PLEKHG7: variants seen among roughly 807,000 people sequenced by gnomAD.
The protein encoded by PLEKHG7 is pleckstrin homology and RhoGEF domain containing G7.
Under a neutral mutation model 85.2 loss-of-function variants are expected in PLEKHG7, and 77 were observed. The observed-to-expected ratio is 0.90, with a 90% confidence interval of 0.75 to 1.09. PLEKHG7 has a LOEUF of 1.09. PLEKHG7 is among the 50% of genes least tolerant of loss of function. PLEKHG7 has a pLI of 0.00. For synonymous variants in PLEKHG7, 301 were observed against 302.4 expected, an observed-to-expected ratio of 1.00 and a Z score of 0.05; for missense variants, 777 against 804.3, an observed-to-expected ratio of 0.97 and a Z score of 0.41.
At chr12:92,710,059 C>T (rs1475351753) in intron 3 of PLEKHG7, among the ~76,000 whole-genome samples, 1 of 152,124 alleles carries the variant, frequency 6.6e-6, no homozygotes, top group Non-Finnish European at 1.5e-5. Flanking sequence ...GGAACTAAGA[C>T]CTCTAGGCCA....
At chr12:92,756,714 T>A (rs2136624146) in intron 13 of PLEKHG7, among the ~76,000 whole-genome samples, 1 of 152,338 alleles carries the variant, frequency 6.6e-6, no homozygotes, top group East Asian at 1.9e-4. Flanking sequence ...ATCATCATAA[T>A]CGTTGTACTC....
At chr12:92,710,255 T>C (rs1236197700) in intron 3 of PLEKHG7, among the ~76,000 whole-genome samples, 1 of 152,194 alleles carries the variant, frequency 6.6e-6, no homozygotes, top group East Asian at 1.9e-4. Context: ...CAGAAAACTT[T>C]GTCCCAGCCC....
At chr12:92,761,627 A>AAAGAAAGAAAGG (rs1555196579) in intron 13 of PLEKHG7, 125 bp from the exon 14 acceptor site, 33 of 79,356 alleles carry the variant, frequency 4.2e-4, no homozygotes, top group African/African-American at 1.9e-3. Flanking sequence ...AAGAAAGAAG[A>AAAGAAAGAAAGG]AAGAAAGAAA....
intron 16 of PLEKHG7, 55 bp from the exon 17 acceptor site, chr12:92,770,033 T>C: frequency 8.5e-7 from 1 of 1,178,994 alleles, no homozygotes; most frequent in Non-Finnish European, 1.2e-6. Context: ...ATGTGAGAAA[T>C]TGTCAGCTTA....
At chr12:92,766,351 T>TA (rs1271592357) in intron 15 of PLEKHG7, among the ~76,000 whole-genome samples, 2 of 152,144 alleles carry the variant, frequency 1.3e-5, no homozygotes, top group African/African-American at 2.4e-5. Context: ...GCCTGACACA[T>TA]AGACTTGAGT....
At position 92,764,048 on chromosome 12, in the gene PLEKHG7, G is replaced by T; in HGVS notation, c.1724G>T (p.Gly575Val). 6.3e-7 allele frequency: 1 copy of T among 1,588,458 alleles called. No individual in the cohort carries two copies. Among genetic ancestry groups the T allele is most frequent in the South Asian group, 1.2e-5 (1 of 85,804 alleles). ...TTTTCTTGTTAATTTCAGAAACTTG[G>T]AGGCTCAGACCCTGGTTTAATGTGT... ...TKTKCNKKKLGGSDPGLMCPS... is the reference protein window; with the variant it reads ...TKTKCNKKKLVGSDPGLMCPS... The change falls in exon 15 of 17, where the codon GGA (glycine) becomes GTA (valine). Residue 575 changes from glycine to valine, a missense_variant. Physicochemically the swap from Gly to Val is moderately radical, Grantham distance 109. Around this residue, in one of 3 missense-constraint regions of PLEKHG7, gnomAD observed 520 missense variants for 544.0 expected, o/e 0.96. Coordinates refer to ENST00000344636, the MANE Select transcript of PLEKHG7 (RefSeq NM_001377329.1).
intron 3 of PLEKHG7, among the ~76,000 whole-genome samples, chr12:92,717,925 A>C (rs1000600801): frequency 6.6e-6 from 1 of 152,210 alleles, no homozygotes; most frequent in African/African-American, 2.4e-5. Context: ...AATAGTAGCT[A>C]TGGTTATTCT....
rs553676122 is a variant in PLEKHG7 at position 92,729,009 on chromosome 12, C to A, written c.547C>A (p.Arg183=). 8.9e-6 allele frequency: 11 copies of A among 1,231,632 alleles called. No homozygotes were observed. Among genetic ancestry groups the A allele is most frequent in the Non-Finnish European group, 1.1e-5 (11 of 987,746 alleles). 76.3% of individuals were successfully genotyped at this position (1,231,632 alleles called of 1,614,324 possible). ...TGAGCACAGGTTCTACGAGCACAGG[C>A]GGAGTTCTGTGGTGCTGAACTTACC... ...LHPSRFYEHR[R]SSVVLNLPGL... Residue 183 remains arginine, a synonymous_variant, in exon 4 of 17, where the codon CGG becomes AGG. Transcript: ENST00000344636.
At chr12:92,741,264 AT>A (rs1321525872) in intron 8 of PLEKHG7, among the ~76,000 whole-genome samples, 2 of 152,176 alleles carry the variant, frequency 1.3e-5, no homozygotes, top group Non-Finnish European at 2.9e-5. Context: ...AATAAATAAT[AT>A]TTTTCCTCTT....
chr12:92,749,263 G>C (rs1486035649), intron 10 of PLEKHG7, among the ~76,000 whole-genome samples: 1 of 152,018 alleles, frequency 6.6e-6, no homozygotes, highest in Non-Finnish European at 1.5e-5. Flanking sequence ...TCTTCCTACT[G>C]TTTGTTTTTT....
chr12:92,760,165 G>C (rs1252567025), intron 13 of PLEKHG7, among the ~76,000 whole-genome samples: 4 of 152,092 alleles, frequency 2.6e-5, no homozygotes, highest in Non-Finnish European at 5.9e-5. Context: ...TTAGCTCCTT[G>C]GTCATATTCA....
At chr12:92,758,899 G>T (rs1019166225) in intron 13 of PLEKHG7, among the ~76,000 whole-genome samples, 1 of 152,220 alleles carries the variant, frequency 6.6e-6, no homozygotes, top group Non-Finnish European at 1.5e-5. Context: ...CTAAGATCAA[G>T]TGAGGAAACA....
intron 3 of PLEKHG7, among the ~76,000 whole-genome samples, chr12:92,712,819 C>A (rs897337522): frequency 6.6e-6 from 1 of 152,098 alleles, no homozygotes; most frequent in Non-Finnish European, 1.5e-5. Context: ...CAAGATGAGT[C>A]TGGGGACCCA....
At chr12:92,718,284 A>G (rs1341177262) in intron 3 of PLEKHG7, among the ~76,000 whole-genome samples, 1 of 152,220 alleles carries the variant, frequency 6.6e-6, no homozygotes. Flanking sequence ...GGCATGGTGC[A>G]AGGGGAACCA....
intron 10 of PLEKHG7, 132 bp from the exon 11 acceptor site, chr12:92,753,958 T>C: frequency 1.2e-6 from 1 of 828,308 alleles, no homozygotes; most frequent in East Asian, 2.5e-5. Context: ...GGCTTATAAA[T>C]TGTCCCAGCA....
Position 92,706,824 on chromosome 12 carries a change from G to C in PLEKHG7, c.193G>C (p.Ala65Pro), listed in dbSNP as rs1312282040. The C allele has an allele frequency of 7.4e-6, 12 of 1,613,844 alleles. No individual in the cohort carries two copies. The highest frequency in any genetic ancestry group is 9.3e-6 in the Non-Finnish European group (11 of 1,180,028). Residue 65 changes from alanine to proline, a missense_variant, in exon 2 of 17, where the codon GCC (alanine) becomes CCC (proline). Physicochemically the swap from Ala to Pro is conservative, Grantham distance 27 (BLOSUM62 -1). Transcript: ENST00000344636. The part of the protein sequence containing the change: ...RTRGCGTRQD[A>P]WQVTTWGSWG... ...CCGTGGCTGTGGGACAAGGCAGGAT[G>C]CCTGGCAGGTGACCACCTGGGGAAG...
At position 92,736,588 on chromosome 12, in the gene PLEKHG7, A is replaced by G. The variant is rs1049375079; in HGVS notation, c.795+11A>G. ...TTCTACGGTCTTAAGGTATCTTTCA[A>G]ACTGTTAACTATGGGGTTTGACTTT... On this transcript the variant is annotated intron_variant, in intron 6 of 16. Coordinates refer to ENST00000344636, the MANE Select transcript of PLEKHG7 (RefSeq NM_001377329.1). 8.2e-7 allele frequency: 1 copy of G among 1,214,406 alleles called. No individual in the cohort carries two copies. Among genetic ancestry groups the G allele is most frequent in the East Asian group, 3.2e-5 (1 of 31,630 alleles). The allele number at this position is 1,214,406 out of a possible 1,614,324, so 75.2% of individuals were successfully genotyped here. A position where few individuals can be genotyped will look rare whatever the true frequency, so the allele number is the denominator to read the frequency against.
rs1008501568 is a variant in PLEKHG7, at chr12:92,770,863, C to A, written c.*668C>A. 1 of 152,052 alleles carries A rather than the reference C, an allele frequency of 6.6e-6. No homozygotes were observed. The highest frequency in any genetic ancestry group is 2.4e-5 in the African/African-American group (1 of 41,410). 9.4% of individuals were successfully genotyped at this position (152,052 alleles called of 1,614,324 possible). A position where few individuals can be genotyped will look rare whatever the true frequency, so the allele number is the denominator to read the frequency against. ...AAAAAATCTGGCTTTCACCAGTTAA[C>A]ACTTTTGCATGGCTTTTCTTGGCCT... On this transcript the variant is annotated 3_prime_UTR_variant, in exon 17 of 17. Coordinates refer to ENST00000344636, the MANE Select transcript of PLEKHG7 (RefSeq NM_001377329.1).
chr12:92,708,010 CT>C, intron 3 of PLEKHG7: 1 of 326,048 alleles, frequency 3.1e-6, no homozygotes, highest in South Asian at 5.5e-5. Context: ...TATGCAACAG[CT>C]TTTCAAAGAA....
Sources: allele counts gnomAD v4.1 joint callset (sites outside exome capture counted in the v4.1 genomes callset), GRCh38; gene constraint gnomAD v4.1.1; regional missense constraint gnomAD v4.1.1; transcripts MANE v1.5; gene names NCBI Gene and HGNC (gene_info 2026-07-23, HGNC 2026-07-21).